RAB40B: variants seen among roughly 807,000 people sequenced by gnomAD.
RAB40B encodes the protein ras-related protein Rab-40B.
Under a neutral mutation model 24.0 loss-of-function variants are expected in RAB40B, and 21 were observed. The ratio of observed to expected loss-of-function variants is 0.88; its 90% CI spans 0.62 to 1.26. The LOEUF (loss-of-function observed/expected upper bound fraction) is 1.26. Ranked by LOEUF, RAB40B falls within the 50% of genes most tolerant of loss-of-function variation. The probability of loss-of-function intolerance (pLI) is 0.00; values close to 1 mark genes in which losing one functional copy is unlikely to be tolerated. For synonymous variants in RAB40B, 167 were observed against 169.8 expected, an observed-to-expected ratio of 0.98 and a Z score of 0.13; for missense variants, 348 against 390.5, an observed-to-expected ratio of 0.89 and a Z score of 0.92.
chr17:82,694,886 CA>C (rs1418143997), intron 1 of RAB40B, among the ~76,000 whole-genome samples: 1 of 151,456 alleles, frequency 6.6e-6, no homozygotes, highest in Non-Finnish European at 1.5e-5. Flanking sequence ...TTCTCAGACA[CA>C]AAAAAACACT....
chr17:82,681,209 C>A (rs2046446626), intron 1 of RAB40B, among the ~76,000 whole-genome samples: 1 of 151,894 alleles, frequency 6.6e-6, no homozygotes, highest in Non-Finnish European at 1.5e-5. Flanking sequence ...TAAATGAGCT[C>A]CCCCACCCCC....
In RAB40B at chr17:82,657,629, G is replaced by C; in HGVS notation, c.*234C>G. 1 of 668,130 alleles carries C rather than the reference G, an allele frequency of 1.5e-6. No homozygotes were observed. The allele number at this position is 668,130 out of a possible 1,614,324, so 41.4% of individuals were successfully genotyped here. On this transcript the variant is annotated 3_prime_UTR_variant, in exon 6 of 6. Transcript: ENST00000571995. ...ATTTCATGTTACCAAGAGTCGAGCA[G>C]AGTACTAATTTTCCCTTTACAAACA...
chr17:82,684,177 C>T (rs1022169972), intron 1 of RAB40B, among the ~76,000 whole-genome samples: 6 of 146,686 alleles, frequency 4.1e-5, no homozygotes, highest in Non-Finnish European at 5.9e-5. Flanking sequence ...GCCAAGATTG[C>T]GCTTTTGCAC....
chr17:82,663,681 G>A lies in RAB40B; in HGVS notation c.203+815C>T, dbSNP rs556950646. On this transcript the variant is annotated intron_variant, in intron 2 of 5. Coordinates refer to ENST00000571995, the MANE Select transcript of RAB40B (RefSeq NM_006822.3). The surrounding 1 kb of genome is among the most constrained non-coding windows in gnomAD (Gnocchi z 6.2). Reference sequence around the variant, plus strand: ...CACCCGCAGGCCCGACCACAGCCCCGCTGGCACCAGGACGCTCCGAGCTCC... The same window carrying A: ...CACCCGCAGGCCCGACCACAGCCCCACTGGCACCAGGACGCTCCGAGCTCC... Among the ~76,000 whole-genome samples, 13 of 152,160 alleles carry A rather than the reference G, an allele frequency of 8.5e-5. No individual in the cohort carries two copies. The highest frequency in any genetic ancestry group is 3.9e-4 in the Admixed American group (6 of 15,296).
intron 4 of RAB40B, 156 bp from the exon 5 acceptor site, chr17:82,658,869 C>G (rs761966529): frequency 1.5e-6 from 1 of 653,882 alleles, no homozygotes; most frequent in Non-Finnish European, 2.6e-6. Flanking sequence ...TCTTTGCAGA[C>G]GTAAATAGTT....
intron 1 of RAB40B, among the ~76,000 whole-genome samples, chr17:82,688,440 C>A (rs1038406026): frequency 4.6e-5 from 7 of 151,176 alleles, no homozygotes; most frequent in African/African-American, 1.7e-4. Flanking sequence ...TGGTGAAACC[C>A]CATCTCTATT....
chr17:82,658,251 G>A (rs2046111994), intron 5 of RAB40B, 117 bp from the exon 6 acceptor site: 19 of 1,384,340 alleles, frequency 1.4e-5, no homozygotes, highest in Non-Finnish European at 1.8e-5. Flanking sequence ...CGTGGCCCTG[G>A]CTTGTACATG....
At chr17:82,661,193 T>A in intron 2 of RAB40B, 146 bp from the exon 3 acceptor site, 1 of 1,454,988 alleles carries the variant, frequency 6.9e-7, no homozygotes, top group Non-Finnish European at 9.1e-7. Context: ...AACAAAACTT[T>A]CCAATGTCCC....
intron 1 of RAB40B, among the ~76,000 whole-genome samples, chr17:82,673,174 A>G (rs150826453): frequency 1.3e-5 from 2 of 152,220 alleles, no homozygotes; most frequent in East Asian, 3.9e-4. Flanking sequence ...ACTGCACTCC[A>G]GCCTGGGTGA....
intron 1 of RAB40B, among the ~76,000 whole-genome samples, chr17:82,693,874 G>A (rs186402731): frequency 4.8e-4 from 72 of 149,366 alleles, no homozygotes; most frequent in Middle Eastern, 6.8e-3. Context: ...CCTTAGGCCC[G>A]GAGTTCCAGA....
chr17:82,684,813 T>C (rs976703170), intron 1 of RAB40B, among the ~76,000 whole-genome samples: 10 of 152,016 alleles, frequency 6.6e-5, no homozygotes, highest in African/African-American at 2.4e-4. Context: ...ACCACTGTCT[T>C]TGTCAAAACT....
At chr17:82,658,805 C>G (rs2046122757) in intron 4 of RAB40B, 92 bp from the exon 5 acceptor site, 5 of 1,173,888 alleles carry the variant, frequency 4.3e-6, no homozygotes, top group South Asian at 1.5e-5. Context: ...AGGAACCCCC[C>G]ACGAGTTCAT....
intron 1 of RAB40B, among the ~76,000 whole-genome samples, chr17:82,676,933 T>TA (rs2046400434): frequency 9.0e-6 from 1 of 110,568 alleles, no homozygotes; most frequent in Non-Finnish European, 2.0e-5. Flanking sequence ...GCCGGTAGCC[T>TA]ACTAATTTAT....
intron 1 of RAB40B, among the ~76,000 whole-genome samples, chr17:82,681,941 G>T (rs140218905): frequency 7.2e-5 from 11 of 151,846 alleles, no homozygotes; most frequent in African/African-American, 2.7e-4. Flanking sequence ...AAAACAGAAC[G>T]CTTTCCCCAT....
At chr17:82,686,110 T>TC (rs2046498579) in intron 1 of RAB40B, among the ~76,000 whole-genome samples, 2 of 149,224 alleles carry the variant, frequency 1.3e-5, no homozygotes. Flanking sequence ...CCTTCTTTTT[T>TC]TTTTTTTTTT....
At chr17:82,660,006 TCACG>T (rs2046142043) in intron 3 of RAB40B, among the ~76,000 whole-genome samples, 1 of 152,172 alleles carries the variant, frequency 6.6e-6, no homozygotes, top group Admixed American at 6.5e-5. Context: ...CACATGGAGC[TCACG>T]CACACACAGG....
chr17:82,664,277 G>A (rs2046223845), intron 2 of RAB40B, among the ~76,000 whole-genome samples: 1 of 142,296 alleles, frequency 7.0e-6, no homozygotes, highest in Admixed American at 7.0e-5. Context: ...GGTGGGGGGA[G>A]GGTGCTCCCC....
At chr17:82,684,901 G>A (rs947806595) in intron 1 of RAB40B, among the ~76,000 whole-genome samples, 2 of 152,036 alleles carry the variant, frequency 1.3e-5, no homozygotes, top group Non-Finnish European at 2.9e-5. Flanking sequence ...ATCACCTGAG[G>A]TCAGGAGTTC....
intron 1 of RAB40B, among the ~76,000 whole-genome samples, chr17:82,670,178 C>CTTT (rs71168131): frequency 1.0e-3 from 84 of 81,298 alleles, no homozygotes; most frequent in African/African-American, 1.5e-3. Flanking sequence ...GGCCAACAAT[C>CTTT]TTTTTTTTTT....
Sources: gnomAD v4.1 joint callset for allele counts (sites outside exome capture counted in the v4.1 genomes callset) on GRCh38, gnomAD v4.1.1 for gene constraint, Gnocchi (gnomAD v3.1) non-coding constraint, MANE v1.5 for transcripts, NCBI Gene and HGNC (gene_info 2026-07-23, HGNC 2026-07-21) for gene names.